The following LINGO2 variants were observed in gnomAD, a reference collection of about 807,000 sequenced individuals.
LINGO2 encodes leucine rich repeat and Ig domain containing 2.
A neutral mutation model predicts 30.6 loss-of-function variants in LINGO2; 14 were observed. The ratio of observed to expected loss-of-function variants is 0.46; its 90% CI spans 0.30 to 0.72. The LOEUF is 0.72. Ranked by LOEUF, LINGO2 falls within the 30% of genes least tolerant of loss-of-function variation. The pLI is 0.07. For missense variants in LINGO2, 729 were observed against 751.7 expected, an observed-to-expected ratio of 0.97 and a Z score of 0.35; for synonymous variants, 317 against 288.5, an observed-to-expected ratio of 1.10 and a Z score of -1.00.
intron 5 of LINGO2, among the ~76,000 whole-genome samples, chr9:27,965,177 G>A (rs1820038238): frequency 6.6e-6 from 1 of 151,900 alleles, no homozygotes; most frequent in African/African-American, 2.4e-5. Flanking sequence ...CAGGAGAAGG[G>A]GAAAGAAACT....
At chr9:28,369,018 G>C (rs777865827) in intron 3 of LINGO2, among the ~76,000 whole-genome samples, 14 of 152,160 alleles carry the variant, frequency 9.2e-5, no homozygotes, top group Non-Finnish European at 1.9e-4. Flanking sequence ...CGGGGTAGTT[G>C]CCTGGCTTCA....
chr9:29,080,785 T>C, the LINGO2 span, among the ~76,000 whole-genome samples: 1 of 152,144 alleles, frequency 6.6e-6, no homozygotes, highest in East Asian at 1.9e-4. Context: ...GAGTTCTAGT[T>C]TGATCGCACT....
At chr9:28,834,631 T>C in the LINGO2 span, among the ~76,000 whole-genome samples, 42 of 152,328 alleles carry the variant, frequency 2.8e-4, no homozygotes, top group East Asian at 7.3e-3. Context: ...AAAATTTATA[T>C]AATTTTATGA....
chr9:28,572,950 C>T (rs755081079), intron 1 of LINGO2, among the ~76,000 whole-genome samples: 3 of 152,060 alleles, frequency 2.0e-5, no homozygotes, highest in Non-Finnish European at 4.4e-5. Flanking sequence ...GTAACTAAAC[C>T]TTCCTGGCCA....
At chr9:28,737,463 G>T in the LINGO2 span, among the ~76,000 whole-genome samples, 1 of 152,144 alleles carries the variant, frequency 6.6e-6, no homozygotes, top group Non-Finnish European at 1.5e-5. Flanking sequence ...TAGTAAAGTG[G>T]CATATTTACT....
At chr9:29,100,732 T>G in the LINGO2 span, among the ~76,000 whole-genome samples, 2 of 152,166 alleles carry the variant, frequency 1.3e-5, no homozygotes, top group Non-Finnish European at 2.9e-5. Context: ...TTTGATTGTT[T>G]AAAACACAAA....
At chr9:28,475,046 CAG>C (rs1281436923) in intron 2 of LINGO2, among the ~76,000 whole-genome samples, 24 of 152,172 alleles carry the variant, frequency 1.6e-4, no homozygotes, top group African/African-American at 5.5e-4. Flanking sequence ...TCTTAACCCA[CAG>C]AGAGTCTGAG....
intron 2 of LINGO2, among the ~76,000 whole-genome samples, chr9:28,397,543 C>CA (rs749689890): frequency 9.1e-6 from 1 of 110,004 alleles, no homozygotes; most frequent in Non-Finnish European, 1.8e-5. Flanking sequence ...CAATAGATGT[C>CA]TTTTTTTTTT....
chr9:28,312,231 AT>A (rs1353500593), intron 3 of LINGO2, among the ~76,000 whole-genome samples: 1 of 150,908 alleles, frequency 6.6e-6, no homozygotes, highest in African/African-American at 2.4e-5. Context: ...GAGAAAGAAT[AT>A]TTCAAATGGC....
chr9:28,185,801 T>C (rs1187110380), intron 4 of LINGO2, among the ~76,000 whole-genome samples: 4 of 152,202 alleles, frequency 2.6e-5, no homozygotes, highest in African/African-American at 9.6e-5. Context: ...GACATTATTC[T>C]GAACCAGTTA....
At chr9:28,320,633 T>C (rs546674053) in intron 3 of LINGO2, among the ~76,000 whole-genome samples, 1 of 152,252 alleles carries the variant, frequency 6.6e-6, no homozygotes, top group East Asian at 1.9e-4. Context: ...GACGCAGAAG[T>C]GGAGAAGACA....
At chr9:28,591,279 G>A (rs1439436591) in intron 1 of LINGO2, among the ~76,000 whole-genome samples, 2 of 151,942 alleles carry the variant, frequency 1.3e-5, no homozygotes, top group Non-Finnish European at 2.9e-5. Context: ...TGCACATTGT[G>A]CACATGTACC....
At chr9:28,707,919 C>A in the LINGO2 span, among the ~76,000 whole-genome samples, 2 of 152,134 alleles carry the variant, frequency 1.3e-5, no homozygotes, top group African/African-American at 4.8e-5. Flanking sequence ...TCAGAATATG[C>A]CTCAGTCAGA....
intron 4 of LINGO2, among the ~76,000 whole-genome samples, chr9:28,051,180 T>C (rs1824653144): frequency 6.6e-6 from 1 of 151,426 alleles, no homozygotes; most frequent in Non-Finnish European, 1.5e-5. Context: ...CAATCACAGA[T>C]GCAGTTGAGG....
chr9:28,078,846 C>CA (rs35130159), intron 4 of LINGO2, among the ~76,000 whole-genome samples: 5,850 of 133,138 alleles, frequency 0.044, 300 homozygotes, highest in Non-Finnish European at 0.056. Flanking sequence ...AAAACTCTGT[C>CA]AAAAAAAAAA....
chr9:28,937,039 A>G, the LINGO2 span, among the ~76,000 whole-genome samples: 1 of 152,114 alleles, frequency 6.6e-6, no homozygotes, highest in African/African-American at 2.4e-5. Flanking sequence ...TATTGGCTCT[A>G]TTGATCTCAT....
intron 4 of LINGO2, among the ~76,000 whole-genome samples, chr9:28,246,153 C>T (rs547655520): frequency 1.3e-4 from 20 of 152,138 alleles, no homozygotes; most frequent in African/African-American, 2.9e-4. Flanking sequence ...ATGCCAGGCA[C>T]GGTGGCTCAT....
At chr9:28,548,441 C>T (rs1822067991) in intron 1 of LINGO2, among the ~76,000 whole-genome samples, 1 of 151,966 alleles carries the variant, frequency 6.6e-6, no homozygotes, top group African/African-American at 2.4e-5. Flanking sequence ...TGTGGTGGCT[C>T]ATGCCTGTAA....
intron 5 of LINGO2, among the ~76,000 whole-genome samples, chr9:28,010,395 C>T (rs1822495064): frequency 1.3e-5 from 2 of 152,166 alleles, no homozygotes; most frequent in Admixed American, 1.3e-4. Context: ...GACCTCACTC[C>T]TCTGGGCCCC....
Sources: allele counts gnomAD v4.1 joint callset (sites outside exome capture counted in the v4.1 genomes callset), GRCh38; gene constraint gnomAD v4.1.1; transcripts MANE v1.5; gene names NCBI Gene and HGNC (gene_info 2026-07-23, HGNC 2026-07-21).